Variants in RBFOX1 observed in about 807,000 individuals in gnomAD.
The protein encoded by RBFOX1 is RNA binding fox-1 homolog 1.
Under a neutral mutation model 57.7 loss-of-function variants are expected in RBFOX1, and 8 were observed. That is an observed-to-expected ratio of 0.14 (90% CI 0.08 to 0.25). RBFOX1 has a LOEUF of 0.25. Ranked by LOEUF, RBFOX1 falls within the 10% of genes least tolerant of loss-of-function variation. The pLI is 1.00. For synonymous variants in RBFOX1, 326 were observed against 222.4 expected, an observed-to-expected ratio of 1.47 and a Z score of -4.15; for missense variants, 611 against 548.5, an observed-to-expected ratio of 1.11 and a Z score of -1.14.
chr16:7,443,458 C>T (rs1035743141), intron 4 of RBFOX1, among the ~76,000 whole-genome samples: 1 of 151,126 alleles, frequency 6.6e-6, no homozygotes, highest in African/African-American at 2.4e-5. Flanking sequence ...CTCCCCCTCT[C>T]TTATAAGATT....
At chr16:7,083,483 C>G (rs905201985) in intron 4 of RBFOX1, among the ~76,000 whole-genome samples, 3 of 152,048 alleles carry the variant, frequency 2.0e-5, no homozygotes, top group African/African-American at 7.2e-5. Flanking sequence ...ATGACACATA[C>G]CAATCCACTG....
chr16:6,999,031 G>C (rs1430447949), intron 3 of RBFOX1, among the ~76,000 whole-genome samples: 2 of 151,270 alleles, frequency 1.3e-5, no homozygotes, highest in Non-Finnish European at 3.0e-5. Flanking sequence ...ACCATGCCTG[G>C]CTAATTTTTG....
At chr16:6,153,611 C>G (rs954589823) in intron 1 of RBFOX1, among the ~76,000 whole-genome samples, 7 of 152,128 alleles carry the variant, frequency 4.6e-5, no homozygotes, top group Admixed American at 4.6e-4. Context: ...TCTCGGCTCA[C>G]TGCAACCTCT....
chr16:7,036,361 A>C (rs868776902), intron 3 of RBFOX1, among the ~76,000 whole-genome samples: 10 of 152,252 alleles, frequency 6.6e-5, no homozygotes, highest in Middle Eastern at 6.8e-3. Context: ...GCTGTGTTAT[A>C]GGAAAGGGGT....
At chr16:6,306,384 C>G (rs770981681) in intron 1 of RBFOX1, among the ~76,000 whole-genome samples, 13 of 152,176 alleles carry the variant, frequency 8.5e-5, no homozygotes, top group Non-Finnish European at 1.5e-4. Context: ...CCTGAGGGCT[C>G]TCAGTTATCG....
chr16:5,837,956 G>A (rs185294427), intron 3 of RBFOX1, among the ~76,000 whole-genome samples: 5 of 152,104 alleles, frequency 3.3e-5, no homozygotes, highest in Non-Finnish European at 7.4e-5. Context: ...TCGGAAAGAG[G>A]CAACACAGGT....
chr16:6,282,068 C>G (rs960288753), intron 1 of RBFOX1, among the ~76,000 whole-genome samples: 2 of 152,182 alleles, frequency 1.3e-5, no homozygotes. Context: ...AATATTATCT[C>G]TGTACCATGA....
intron 11 of RBFOX1, among the ~76,000 whole-genome samples, chr16:7,634,623 A>G (rs1472669187): frequency 6.6e-6 from 1 of 152,076 alleles, no homozygotes; most frequent in African/African-American, 2.4e-5. Context: ...CAGGACTCAT[A>G]AAAGTATTAA....
At chr16:5,583,069 C>G (rs566352308) in intron 2 of RBFOX1, among the ~76,000 whole-genome samples, 77 of 152,300 alleles carry the variant, frequency 5.1e-4, no homozygotes, top group African/African-American at 1.8e-3. Flanking sequence ...GTTCACACAG[C>G]TAGGGAGAGG....
At chr16:5,818,905 A>T (rs2055744641) in intron 3 of RBFOX1, among the ~76,000 whole-genome samples, 1 of 152,050 alleles carries the variant, frequency 6.6e-6, no homozygotes, top group South Asian at 2.1e-4. Flanking sequence ...CACCAAATAC[A>T]TCACCTTTGA....
intron 3 of RBFOX1, among the ~76,000 whole-genome samples, chr16:6,845,970 G>C (rs1301045847): frequency 6.6e-6 from 1 of 152,166 alleles, no homozygotes; most frequent in Non-Finnish European, 1.5e-5. Context: ...AGGTGTTACT[G>C]ATAAAATAAT....
At chr16:7,168,464 C>T (rs560730412) in intron 4 of RBFOX1, among the ~76,000 whole-genome samples, 2 of 152,170 alleles carry the variant, frequency 1.3e-5, no homozygotes, top group African/African-American at 4.8e-5. Context: ...CATTGGCGAG[C>T]TCAAAGAGGT....
At chr16:6,786,806 G>A (rs2082041628) in intron 3 of RBFOX1, among the ~76,000 whole-genome samples, 1 of 152,104 alleles carries the variant, frequency 6.6e-6, no homozygotes, top group African/African-American at 2.4e-5. Context: ...CACATCGAGG[G>A]TCATGGTCAC....
chr16:5,523,636 CA>C (rs1164439244), intron 2 of RBFOX1, among the ~76,000 whole-genome samples: 1 of 152,032 alleles, frequency 6.6e-6, no homozygotes, highest in African/African-American at 2.4e-5. Flanking sequence ...AACAAACAAA[CA>C]AACAAACAGA....
rs529456206 is a variant in RBFOX1, at chr16:7,261,888, A to G, written c.27+209790A>G. ...GGAGGCAAGGTTCCTTTGGGCATCAATAGTGTGAAAAGCCCTCCAAGTGAT... is the reference window on the plus strand; with the variant it reads ...GGAGGCAAGGTTCCTTTGGGCATCAGTAGTGTGAAAAGCCCTCCAAGTGAT... On this transcript the variant is annotated intron_variant, in intron 4 of 15. Coordinates refer to ENST00000550418, the MANE Select transcript of RBFOX1 (RefSeq NM_018723.4). Among the ~76,000 whole-genome samples, 42 of 152,266 alleles carry G rather than the reference A, an allele frequency of 2.8e-4. 1 individual carries two copies. The highest frequency in any genetic ancestry group is 2.5e-3 in the East Asian group (13 of 5,162).
At chr16:6,854,901 A>C (rs539681999) in intron 3 of RBFOX1, among the ~76,000 whole-genome samples, 1 of 151,664 alleles carries the variant, frequency 6.6e-6, no homozygotes, top group East Asian at 1.9e-4. Context: ...GCCGAGGTGA[A>C]TAATTTTTTT....
chr16:7,623,579 C>T (rs1481607417), intron 10 of RBFOX1, among the ~76,000 whole-genome samples: 1 of 152,182 alleles, frequency 6.6e-6, no homozygotes, highest in East Asian at 1.9e-4. Flanking sequence ...CATGAAGTAA[C>T]ATGAACAATG....
At chr16:5,351,118 C>G (rs1041333948) in intron 1 of RBFOX1, among the ~76,000 whole-genome samples, 6 of 152,190 alleles carry the variant, frequency 3.9e-5, no homozygotes, top group African/African-American at 1.4e-4. Context: ...AAGGATGTGT[C>G]TCCCATCTGA....
In RBFOX1 at chr16:5,762,528, G is replaced by T. The variant is rs186781407; in HGVS notation, c.319-104775G>T. On this transcript the variant is annotated intron_variant, in intron 3 of 19. Transcript: ENST00000641259. Reference sequence around the variant, plus strand: ...TCAAAAGCCTTAAATGCACGTTTGTGCTTTGACCCGGCAATTCCACTTTGG... The same window carrying T: ...TCAAAAGCCTTAAATGCACGTTTGTTCTTTGACCCGGCAATTCCACTTTGG... 2.6e-5 allele frequency among the ~76,000 whole-genome samples: 4 copies of T among 152,262 alleles called. No homozygotes were observed. In the East Asian group the frequency reaches 7.7e-4, roughly 29 times the overall value.
Sources: allele counts gnomAD v4.1 joint callset (sites outside exome capture counted in the v4.1 genomes callset), GRCh38; gene constraint gnomAD v4.1.1; transcripts MANE v1.5; gene names NCBI Gene and HGNC (gene_info 2026-07-23, HGNC 2026-07-21).